Variants in HECW2 observed in about 807,000 individuals in gnomAD.
HECW2 encodes the protein HECT, C2 and WW domain containing E3 ubiquitin protein ligase 2.
HECW2 carries 61 observed loss-of-function variants against 175.2 expected under a neutral mutation model. That is an observed-to-expected ratio of 0.35 (90% CI 0.28 to 0.43). HECW2 has a LOEUF of 0.43. Among genes scored for constraint, HECW2 ranks in the 20% least tolerant of loss-of-function variants. HECW2 has a pLI of 1.00. For synonymous variants in HECW2, 671 were observed against 731.0 expected, an observed-to-expected ratio of 0.92 and a Z score of 1.32; for missense variants, 1,524 against 2,000.5, an observed-to-expected ratio of 0.76 and a Z score of 4.54.
chr2:196,289,647 G>A (rs1690531267), intron 14 of HECW2: 1 of 152,116 alleles, frequency 6.6e-6, no homozygotes, highest in South Asian at 2.1e-4. Context: ...TCAGTAGTGG[G>A]ATCATATCTG....
At chr2:196,221,156 G>A (rs115135119) in intron 24 of HECW2, among the ~76,000 whole-genome samples, 6,026 of 152,108 alleles carry the variant, frequency 0.04, 291 homozygotes, top group African/African-American at 0.12. Flanking sequence ...GGTGATTAAA[G>A]TATATATATG....
At chr2:196,489,006 T>A (rs1057270228) in intron 1 of HECW2, among the ~76,000 whole-genome samples, 1 of 152,164 alleles carries the variant, frequency 6.6e-6, no homozygotes, top group Non-Finnish European at 1.5e-5. Flanking sequence ...TATATTAAAA[T>A]GTATATACTA....
chr2:196,369,401 C>T (rs1343073380), intron 2 of HECW2, among the ~76,000 whole-genome samples: 1 of 137,260 alleles, frequency 7.3e-6, no homozygotes, highest in Non-Finnish European at 1.6e-5. Flanking sequence ...GCTCTCTGAA[C>T]CTAAGAGAGG....
chr2:196,262,914 T>A, intron 17 of HECW2: 1 of 152,134 alleles, frequency 6.6e-6, no homozygotes, highest in Non-Finnish European at 1.5e-5. Flanking sequence ...GTCTACCTGA[T>A]AAGTGCTTAG....
At chr2:196,484,918 T>C (rs572020031) in intron 1 of HECW2, among the ~76,000 whole-genome samples, 12 of 152,276 alleles carry the variant, frequency 7.9e-5, no homozygotes, top group African/African-American at 2.2e-4. Context: ...CGGCTGTACT[T>C]TGGGTAGGTA....
intron 10 of HECW2, among the ~76,000 whole-genome samples, chr2:196,314,214 G>C (rs1434499638): frequency 6.6e-6 from 1 of 152,196 alleles, no homozygotes; most frequent in African/African-American, 2.4e-5. Context: ...GGGCCTCCTT[G>C]GGGAGGGCCT....
rs76411726 is a variant in HECW2, at chr2:196,411,620, T to C, written c.292+21512A>G. Among the ~76,000 whole-genome samples the C allele has an allele frequency of 2.5e-3, 382 of 152,232 alleles. 1 individual carries two copies. The highest frequency in any genetic ancestry group is 9.0e-3 in the African/African-American group (374 of 41,544). ...AGCAGTACTGGGGCAGTGGGAAGCA[T>C]TGTTGAAATGCAAAGAGAGAGAAGA... On this transcript the variant is annotated intron_variant, in intron 2 of 28. Coordinates refer to ENST00000644978, the MANE Select transcript of HECW2 (RefSeq NM_001348768.2).
chr2:196,394,194 T>G (rs1009867461), intron 2 of HECW2, among the ~76,000 whole-genome samples: 3 of 152,046 alleles, frequency 2.0e-5, no homozygotes, highest in Non-Finnish European at 4.4e-5. Context: ...GAGATATACC[T>G]AATGTAAATG....
intron 15 of HECW2, among the ~76,000 whole-genome samples, chr2:196,275,462 G>C (rs1689908284): frequency 6.6e-6 from 1 of 152,002 alleles, no homozygotes; most frequent in Non-Finnish European, 1.5e-5. Flanking sequence ...AAGAATGCGG[G>C]AAATGTGTGG....
chr2:196,532,573 C>T (rs570148500), intron 1 of HECW2, among the ~76,000 whole-genome samples: 1 of 152,004 alleles, frequency 6.6e-6, no homozygotes, highest in South Asian at 2.1e-4. Context: ...CACGTGTATA[C>T]CAATGTATTA....
intron 3 of HECW2, among the ~76,000 whole-genome samples, chr2:196,340,512 C>T (rs1193462191): frequency 2.0e-5 from 3 of 147,416 alleles, no homozygotes; most frequent in Non-Finnish European, 4.4e-5. Flanking sequence ...AGGAGAATCG[C>T]TTGAACCCAG....
At chr2:196,211,615 A>G (rs1045346441) in intron 28 of HECW2, among the ~76,000 whole-genome samples, 3 of 152,216 alleles carry the variant, frequency 2.0e-5, no homozygotes, top group Non-Finnish European at 4.4e-5. Flanking sequence ...GAGCAGCGCT[A>G]TCCACTGCTA....
intron 2 of HECW2, among the ~76,000 whole-genome samples, chr2:196,409,060 G>A (rs780840822): frequency 6.6e-5 from 10 of 152,168 alleles, no homozygotes; most frequent in African/African-American, 2.4e-4. Flanking sequence ...ATTGGCCATG[G>A]TAGAAGTATT....
intron 13 of HECW2, among the ~76,000 whole-genome samples, chr2:196,303,601 T>G (rs981484218): frequency 6.6e-6 from 1 of 152,240 alleles, no homozygotes; most frequent in Non-Finnish European, 1.5e-5. Context: ...TATTGGTCTA[T>G]TCATAGATTC....
Position 196,537,032 on chromosome 2 carries a change from C to G in HECW2, c.-36+56476G>C, listed in dbSNP as rs187425627. ...AGCAGGGGCGAAAACCAATTCCTTT[C>G]TGTTCAATTTTGCCTAAAATCATTT... On this transcript the variant is annotated intron_variant, in intron 1 of 28. Coordinates refer to ENST00000644978, the MANE Select transcript of HECW2 (RefSeq NM_001348768.2). Among the ~76,000 whole-genome samples, 6 of 152,310 alleles carry G rather than the reference C, an allele frequency of 3.9e-5. No individual in the cohort carries two copies. In the East Asian group the frequency reaches 9.6e-4, roughly 24 times the overall value.
At chr2:196,544,560 T>C (rs1291784540) in intron 1 of HECW2, among the ~76,000 whole-genome samples, 1 of 152,152 alleles carries the variant, frequency 6.6e-6, no homozygotes, top group Non-Finnish European at 1.5e-5. Context: ...ATTCCACAGG[T>C]ACCACCATTT....
At chr2:196,230,740 G>A (rs765368525) in intron 21 of HECW2, among the ~76,000 whole-genome samples, 76 of 152,134 alleles carry the variant, frequency 5.0e-4, no homozygotes, top group African/African-American at 1.5e-3. Context: ...GCTAAAGCCC[G>A]AAACCTTTCA....
At chr2:196,482,402 G>A (rs1686871807) in intron 1 of HECW2, among the ~76,000 whole-genome samples, 1 of 152,244 alleles carries the variant, frequency 6.6e-6, no homozygotes. Flanking sequence ...TACAACCTCT[G>A]TGCTGGGATG....
At chr2:196,240,267 G>A (rs141148828) in intron 21 of HECW2, 182 bp downstream of exon 21, 61 of 391,478 alleles carry the variant, frequency 1.6e-4, no homozygotes, top group African/African-American at 1.1e-3. Flanking sequence ...GGATTTCTAT[G>A]TCAAGTGATT....
Sources: allele counts gnomAD v4.1 joint callset (sites outside exome capture counted in the v4.1 genomes callset), GRCh38; gene constraint gnomAD v4.1.1; transcripts MANE v1.5; gene names NCBI Gene and HGNC (gene_info 2026-07-23, HGNC 2026-07-21).